SGK2: variants seen among roughly 807,000 people sequenced by gnomAD.
SGK2 encodes the protein serum/glucocorticoid regulated kinase 2.
Under a neutral mutation model 47.5 loss-of-function variants are expected in SGK2, and 36 were observed. The ratio of observed to expected loss-of-function variants is 0.76; its 90% CI spans 0.58 to 1.00. The LOEUF is 1.00. SGK2 is among the 50% of genes least tolerant of loss of function. The pLI is 0.00. For missense variants in SGK2, 404 were observed against 467.4 expected (o/e 0.86, Z 1.25); for synonymous variants, 157 against 181.9 (o/e 0.86, Z 1.10).
rs1980180115 is a variant in SGK2, at chr20:43,572,141, A to T, written c.597+4A>T. 1 of 1,544,992 alleles carries T rather than the reference A, an allele frequency of 6.5e-7. No individual in the cohort carries two copies. Among genetic ancestry groups the T allele is most frequent in the African/African-American group, 1.4e-5 (1 of 72,956 alleles). Reference sequence around the variant, plus strand: ...CACATTCTGTGGTACCCCTGAGGTAAGCGTAAACATCCCAGGAGAGGGGAG... The same window carrying T: ...CACATTCTGTGGTACCCCTGAGGTATGCGTAAACATCCCAGGAGAGGGGAG... On this transcript the variant is annotated splice_donor_region_variant and intron_variant, in intron 9 of 12. Coordinates refer to ENST00000373100, the MANE Select transcript of SGK2 (RefSeq NM_170693.3). This position sits in a 1 kb window ranked among gnomAD's most constrained non-coding sequence, Gnocchi z 4.2.
intron 9 of SGK2, among the ~76,000 whole-genome samples, chr20:43,573,443 C>T (rs1980269405): frequency 7.4e-6 from 1 of 135,230 alleles, no homozygotes; most frequent in Non-Finnish European, 1.5e-5. Context: ...GAGCCGAGAT[C>T]GGGTCATTGC....
chr20:43,573,736 A>G (rs1980297816), intron 9 of SGK2, among the ~76,000 whole-genome samples: 1 of 152,110 alleles, frequency 6.6e-6, no homozygotes, highest in South Asian at 2.1e-4. Flanking sequence ...AGGGTAGCTG[A>G]TGGTCGGATG....
At position 43,572,227 on chromosome 20, in the gene SGK2, T is replaced by C; in HGVS notation, c.597+90T>C. ...GCCAACAGGTTACAGTGAAGGGGAC[T>C]CACTCCTTTGACCCAAACACTTCTC... On this transcript the variant is annotated intron_variant, in intron 9 of 12. Transcript: ENST00000373100. The surrounding 1 kb of genome is among the most constrained non-coding windows in gnomAD (Gnocchi z 4.2). 3.0e-6 allele frequency: 3 copies of C among 987,540 alleles called. No homozygotes were observed. The highest frequency in any genetic ancestry group is 3.1e-6 in the Non-Finnish European group (2 of 640,910). The allele number at this position is 987,540 out of a possible 1,614,324, so 61.2% of individuals were successfully genotyped here.
chr20:43,567,001 TG>T, intron 2 of SGK2, 66 bp from the exon 3 acceptor site: 1 of 1,346,610 alleles, frequency 7.4e-7, no homozygotes, highest in Non-Finnish European at 1.1e-6. Flanking sequence ...GATCAGGGCC[TG>T]GGCCAGGAGA....
rs980534067 is a variant in SGK2 at position 43,572,566 on chromosome 20, A to G, written c.597+429A>G. ...GTGACGGGCACCTATAGTCCCAGCT[A>G]CTCGGGAGGCTGAGGCAGGAGAATC... is the stretch of plus-strand genomic sequence containing the variant. On this transcript the variant is annotated intron_variant, in intron 9 of 12. Coordinates refer to ENST00000373100, the MANE Select transcript of SGK2 (RefSeq NM_170693.3). The surrounding 1 kb of genome is among the most constrained non-coding windows in gnomAD (Gnocchi z 4.2). Among the ~76,000 whole-genome samples, 12 of 152,094 alleles carry G rather than the reference A, an allele frequency of 7.9e-5. No homozygotes were observed. The highest frequency in any genetic ancestry group is 2.9e-4 in the African/African-American group (12 of 41,410).
chr20:43,583,858 A>C (rs999528491), intron 12 of SGK2, among the ~76,000 whole-genome samples: 4 of 152,146 alleles, frequency 2.6e-5, no homozygotes, highest in Non-Finnish European at 5.9e-5. Context: ...GCTACTCAGG[A>C]GGCTGAGGTG....
intron 10 of SGK2, 31 bp downstream of exon 10, chr20:43,575,035 A>T: frequency 1.3e-6 from 2 of 1,486,760 alleles, no homozygotes; most frequent in Non-Finnish European, 1.9e-6. Context: ...TACAAGGGCC[A>T]TCTGGCTAGG....
intron 12 of SGK2, chr20:43,583,084 C>G (rs17752440): frequency 0.029 from 27,739 of 955,874 alleles, 520 homozygotes; most frequent in Non-Finnish European, 0.032. Flanking sequence ...ATCGAAACAG[C>G]CTGCATATCA....
chr20:43,568,318 A>C (rs1227973525), intron 5 of SGK2, among the ~76,000 whole-genome samples: 1 of 152,168 alleles, frequency 6.6e-6, no homozygotes, highest in Non-Finnish European at 1.5e-5. Flanking sequence ...GCCCCACTTT[A>C]TTCTCTCTGA....
At chr20:43,574,115 C>T (rs563440677) in intron 9 of SGK2, among the ~76,000 whole-genome samples, 4 of 152,308 alleles carry the variant, frequency 2.6e-5, no homozygotes, top group East Asian at 1.9e-4. Context: ...CCTGAGACCA[C>T]GTACCAACCA....
intron 2 of SGK2, 121 bp from the exon 3 acceptor site, chr20:43,566,943 AAAAG>A: frequency 1.4e-6 from 1 of 730,672 alleles, no homozygotes; most frequent in Non-Finnish European, 2.3e-6. Context: ...AGGTGAAAAA[AAAAG>A]AAAAGAAAAA....
intron 1 of SGK2, among the ~76,000 whole-genome samples, chr20:43,560,924 A>G (rs1353518905): frequency 6.6e-6 from 1 of 152,262 alleles, no homozygotes; most frequent in African/African-American, 2.4e-5. Context: ...GATAGAAAAT[A>G]AAAACTAATA....
Position 43,566,663 on chromosome 20 carries a change from G to A in SGK2, c.36+132G>A, listed in dbSNP as rs1979742245. On this transcript the variant is annotated intron_variant, in intron 2 of 12. Transcript: ENST00000373100. Reference sequence around the variant, plus strand: ...AGCACATAGAAATGAGCCACTTGCAGGGTGAATAGAGTAGAGATTTGAAAT... The same window carrying A: ...AGCACATAGAAATGAGCCACTTGCAAGGTGAATAGAGTAGAGATTTGAAAT... 7.9e-6 allele frequency: 5 copies of A among 636,410 alleles called. No homozygotes were observed. In the Admixed American group the frequency reaches 1.5e-4, roughly 19 times the overall value. The allele number at this position is 636,410 out of a possible 1,614,324, so 39.4% of individuals were successfully genotyped here.
chr20:43,576,354 A>G lies in SGK2; in HGVS notation c.824A>G (p.Gln275Arg), dbSNP rs766577734. ...LQSLLHKDQR[Q>R]RLGSKADFLE... ...AGCCTTCTCCACAAGGACCAGAGGC[A>G]GCGGCTGGGCTCCAAAGCAGACTTT... Residue 275 changes from glutamine (Q) to arginine (R), a missense_variant, in exon 11 of 13, where the codon CAG (glutamine) becomes CGG (arginine). Physicochemically the swap from Gln to Arg is conservative, Grantham distance 43. Coordinates refer to ENST00000373100, the MANE Select transcript of SGK2 (RefSeq NM_170693.3). 1 of 1,614,202 alleles carries G rather than the reference A, an allele frequency of 6.2e-7. No homozygotes were observed. Among genetic ancestry groups the G allele is most frequent in the Non-Finnish European group, 8.5e-7 (1 of 1,180,022 alleles).
At chr20:43,566,991 G>A in intron 2 of SGK2, 77 bp from the exon 3 acceptor site, 1 of 1,213,566 alleles carries the variant, frequency 8.2e-7, no homozygotes, top group Non-Finnish European at 1.2e-6. Context: ...TTGGAGAAGG[G>A]ATCAGGGCCT....
intron 9 of SGK2, among the ~76,000 whole-genome samples, chr20:43,574,254 C>CT (rs1241731598): frequency 1.3e-5 from 2 of 151,990 alleles, no homozygotes; most frequent in African/African-American, 2.4e-5. Flanking sequence ...CAGTAAGCCT[C>CT]TTTTTTTTGT....
In SGK2 at chr20:43,577,599, T is replaced by C. The variant is rs1980543575; in HGVS notation, c.849+1220T>C. 2.6e-5 allele frequency among the ~76,000 whole-genome samples: 4 copies of C among 151,556 alleles called. No homozygotes were observed. The South Asian group carries it at 8.3e-4, about 32-fold the overall frequency. ...CTTTTGACCTTGTGATCCGCCCACC[T>C]TGGCCTCCCAAAGTGCTGGGATTAC... is the stretch of plus-strand genomic sequence containing the variant. On this transcript the variant is annotated intron_variant, in intron 11 of 12. Coordinates refer to ENST00000373100, the MANE Select transcript of SGK2 (RefSeq NM_170693.3).
At chr20:43,566,381 A>C in intron 1 of SGK2, 92 bp from the exon 2 acceptor site, 2 of 1,614,066 alleles carry the variant, frequency 1.2e-6, no homozygotes, top group African/African-American at 2.7e-5. Context: ...GTAGGGGAGG[A>C]TGGAGAGGGC....
intron 8 of SGK2, among the ~76,000 whole-genome samples, chr20:43,571,839 G>A (rs1422405469): frequency 6.6e-6 from 1 of 152,214 alleles, no homozygotes; most frequent in Non-Finnish European, 1.5e-5. Context: ...GTGATGAGCT[G>A]TGGGCAAACA....
Sources: gnomAD v4.1 joint callset for allele counts (sites outside exome capture counted in the v4.1 genomes callset) on GRCh38, gnomAD v4.1.1 for gene constraint, Gnocchi (gnomAD v3.1) non-coding constraint, MANE v1.5 for transcripts, NCBI Gene and HGNC (gene_info 2026-07-23, HGNC 2026-07-21) for gene names.